Variants in DDX21 observed in about 807,000 individuals in gnomAD.
The protein encoded by DDX21 is nucleolar RNA helicase 2.
In DDX21, 18 loss-of-function variants were observed where a neutral mutation model predicts 90.0. The observed-to-expected ratio is 0.20, with a 90% confidence interval of 0.14 to 0.30. The LOEUF (loss-of-function observed/expected upper bound fraction) is 0.30. Among genes scored for constraint, DDX21 ranks in the 10% least tolerant of loss-of-function variants. The probability of loss-of-function intolerance (pLI) is 1.00; values close to 1 mark genes in which losing one functional copy is unlikely to be tolerated. For synonymous variants in DDX21, 294 were observed against 318.0 expected, an observed-to-expected ratio of 0.92 and a Z score of 0.80; for missense variants, 673 against 944.5, an observed-to-expected ratio of 0.71 and a Z score of 3.77.
rs761085406 is a variant in DDX21 at position 68,971,925 on chromosome 10, A to G, written c.1421A>G (p.Lys474Arg). ...TCCTTGCATGGAGACATTCCACAGA[A>G]GCAAAGGGAAATCACCCTGAAAGGT... ...AQSLHGDIPQ[K>R]QREITLKGFR... Residue 474 changes from lysine to arginine, a missense_variant, in exon 9 of 15, where the codon AAG becomes AGG. By Grantham distance (26) the Lys-to-Arg change is conservative. This residue lies in a region of DDX21 where 218 missense variants were observed against 347.3 expected (regional missense o/e 0.63). Transcript: ENST00000354185. 1.2e-6 allele frequency: 2 copies of G among 1,614,072 alleles called. No homozygotes were observed. Among genetic ancestry groups the G allele is most frequent in the African/African-American group, 2.7e-5 (2 of 74,930 alleles).
intron 14 of DDX21, among the ~76,000 whole-genome samples, chr10:68,981,942 C>T (rs2132098009): frequency 1.3e-5 from 2 of 152,160 alleles, no homozygotes; most frequent in South Asian, 4.1e-4. Flanking sequence ...GGTGCAATCT[C>T]GGTTCACTGC....
Position 68,960,051 on chromosome 10 carries a change from C to G in DDX21, c.333C>G (p.Thr111=). 1 of 1,602,996 alleles carries G rather than the reference C, an allele frequency of 6.2e-7. No individual in the cohort carries two copies. The highest frequency in any genetic ancestry group is 8.5e-7 in the Non-Finnish European group (1 of 1,177,458). The change falls in exon 2 of 15, where the codon ACC becomes ACG. Residue 111 remains threonine, a synonymous_variant. Transcript: ENST00000354185. ...PIEKKVVSSK[T]KKVTKNEEPS... is the part of the protein sequence containing the mutation. The stretch of plus-strand genomic sequence containing the variant: ...AAAAGAAAGTGGTTTCTTCTAAAAC[C>G]AAAAAAGTGACAAAAAATGAGGAGC...
At chr10:68,964,939 C>A (rs1358567368) in intron 4 of DDX21, among the ~76,000 whole-genome samples, 2 of 152,110 alleles carry the variant, frequency 1.3e-5, no homozygotes, top group Admixed American at 6.6e-5. Flanking sequence ...TTGCGCCTGG[C>A]CAGCAGTTTC....
At chr10:68,978,314 G>C (rs548556993) in intron 12 of DDX21, among the ~76,000 whole-genome samples, 1 of 152,202 alleles carries the variant, frequency 6.6e-6, no homozygotes, top group South Asian at 2.1e-4. Flanking sequence ...AATGGTTGCA[G>C]ATCTTACAAA....
intron 4 of DDX21, 36 bp from the exon 5 acceptor site, chr10:68,965,341 C>T (rs1842925821): frequency 1.3e-6 from 2 of 1,525,142 alleles, no homozygotes; most frequent in Admixed American, 3.4e-5. Flanking sequence ...ACAAATACTA[C>T]ACAGTAATTT....
chr10:68,964,104 A>T (rs77340755), intron 4 of DDX21: 2 of 374,444 alleles, frequency 5.3e-6, no homozygotes, highest in Admixed American at 3.2e-5. Flanking sequence ...GTCTCAAGAA[A>T]AAAAAAAAAA....
chr10:68,974,680 T>C lies in DDX21; in HGVS notation c.1679T>C (p.Phe560Ser). 6.2e-7 allele frequency: 1 copy of C among 1,614,014 alleles called. No homozygotes were observed. The highest frequency in any genetic ancestry group is 8.5e-7 in the Non-Finnish European group (1 of 1,179,940). ...TTCATTTTCCTGTAGGGAATTAAGTTCAAACGAATAGGTGTTCCTTCTGCA... is the reference window on the plus strand; with the variant it reads ...TTCATTTTCCTGTAGGGAATTAAGTCCAAACGAATAGGTGTTCCTTCTGCA... ...VQVEQKAGIK[F>S]KRIGVPSATE... The change falls in exon 11 of 15, where the codon TTC (phenylalanine) becomes TCC (serine). Residue 560 changes from phenylalanine to serine, a missense_variant. Physicochemically the swap from Phe to Ser is radical, Grantham distance 155. Coordinates refer to ENST00000354185, the MANE Select transcript of DDX21 (RefSeq NM_004728.4).
intron 13 of DDX21, among the ~76,000 whole-genome samples, 171 bp downstream of exon 13, chr10:68,979,147 G>A (rs976335337): frequency 1.3e-5 from 2 of 152,108 alleles, no homozygotes; most frequent in Non-Finnish European, 2.9e-5. Flanking sequence ...GACAACTACT[G>A]TACCTCTATC....
chr10:68,964,423 T>C (rs1384650978), intron 4 of DDX21, among the ~76,000 whole-genome samples: 1 of 152,190 alleles, frequency 6.6e-6, no homozygotes, highest in African/African-American at 2.4e-5. Flanking sequence ...CATATTAGTT[T>C]CATACCATTA....
intron 13 of DDX21, among the ~76,000 whole-genome samples, chr10:68,981,218 C>G (rs1443572277): frequency 6.6e-6 from 1 of 152,192 alleles, no homozygotes; most frequent in African/African-American, 2.4e-5. Flanking sequence ...CTAACCTTTC[C>G]AAGCCTGTTT....
intron 6 of DDX21, among the ~76,000 whole-genome samples, chr10:68,967,720 A>G (rs1842958637): frequency 6.6e-6 from 1 of 152,164 alleles, no homozygotes. Flanking sequence ...ATTTTATTGT[A>G]TATATGTGTT....
intron 1 of DDX21, chr10:68,956,699 C>T (rs1842801289): frequency 2.9e-6 from 3 of 1,047,824 alleles, no homozygotes; most frequent in South Asian, 6.3e-5. Flanking sequence ...TTGGCTAAGA[C>T]AGAACTCCCG....
Position 68,981,593 on chromosome 10 carries a change from C to T in DDX21, c.2082+12C>T, listed in dbSNP as rs1249538971. ...TAACAGAAATACAGGTATTCTTTTC[C>T]CTTAGATTTTAAAGTTAACATACCT... On this transcript the variant is annotated intron_variant, in intron 14 of 14. Coordinates refer to ENST00000354185, the MANE Select transcript of DDX21 (RefSeq NM_004728.4). 6.2e-7 allele frequency: 1 copy of T among 1,602,642 alleles called. No individual in the cohort carries two copies.
chr10:68,970,955 ATTTTTTT>A (rs56314802), intron 8 of DDX21, among the ~76,000 whole-genome samples: 7 of 72,554 alleles, frequency 9.6e-5, no homozygotes, highest in African/African-American at 3.5e-4. Flanking sequence ...GCCCAGCCTA[ATTTTTTT>A]TTTTTTTTTT....
rs969209998 is a variant in DDX21 at position 68,974,855 on chromosome 10, A to G, written c.1742+112A>G. The G allele has an allele frequency of 5.3e-6, 4 of 752,376 alleles. No individual in the cohort carries two copies. In the African/African-American group the frequency reaches 5.4e-5, roughly 10 times the overall value. 46.6% of individuals were successfully genotyped at this position (752,376 alleles called of 1,614,324 possible). A position where few individuals can be genotyped will look rare whatever the true frequency, so the allele number is the denominator to read the frequency against. ...AAATTTTTTTTTTAAAATTTTTGAG[A>G]CAGGGTCTCACTATGTTGCCCAGGC... On this transcript the variant is annotated intron_variant, in intron 11 of 14. Coordinates refer to ENST00000354185, the MANE Select transcript of DDX21 (RefSeq NM_004728.4).
chr10:68,967,440 A>G (rs1253133027), intron 6 of DDX21, among the ~76,000 whole-genome samples: 2 of 152,086 alleles, frequency 1.3e-5, no homozygotes. Flanking sequence ...AAGTGCTGGG[A>G]TTAGAGGCAT....
intron 9 of DDX21, among the ~76,000 whole-genome samples, chr10:68,972,495 C>T (rs1341663122): frequency 1.3e-5 from 2 of 152,094 alleles, no homozygotes; most frequent in Non-Finnish European, 2.9e-5. Context: ...TAGTTCTTCA[C>T]GTAAATAAAG....
At chr10:68,976,348 T>G (rs1843101025) in intron 11 of DDX21, among the ~76,000 whole-genome samples, 1 of 151,196 alleles carries the variant, frequency 6.6e-6, no homozygotes, top group African/African-American at 2.4e-5. Context: ...AGTGGAGTGG[T>G]GCAATCTCAT....
intron 2 of DDX21, 62 bp downstream of exon 2, chr10:68,960,311 G>A: frequency 6.7e-7 from 1 of 1,492,692 alleles, no homozygotes; most frequent in Non-Finnish European, 9.0e-7. Flanking sequence ...AAATAAGTAG[G>A]TAACTGCTAT....
Sources: gnomAD v4.1 joint callset for allele counts (sites outside exome capture counted in the v4.1 genomes callset) on GRCh38, gnomAD v4.1.1 for gene constraint, gnomAD v4.1.1 regional missense constraint, MANE v1.5 for transcripts, NCBI Gene and HGNC (gene_info 2026-07-23, HGNC 2026-07-21) for gene names.